Variants in CR1 observed in about 807,000 individuals in gnomAD.
CR1 encodes the protein complement C3b/C4b receptor 1 (Knops blood group), also known as complement receptor type 1.
In CR1, 116 loss-of-function variants were observed where a neutral mutation model predicts 187.3. The ratio of observed to expected loss-of-function variants is 0.62; its 90% CI spans 0.53 to 0.72. The LOEUF is 0.72. Among genes scored for constraint, CR1 ranks in the 30% least tolerant of loss-of-function variants. The probability of loss-of-function intolerance (pLI) is 0.00; values close to 1 mark genes in which losing one functional copy is unlikely to be tolerated. For synonymous variants in CR1, 576 were observed against 747.1 expected, an observed-to-expected ratio of 0.77 and a Z score of 3.73; for missense variants, 1,731 against 2,110.7, an observed-to-expected ratio of 0.82 and a Z score of 3.52.
At chr1:207,511,444 A>T in intron 3 of CR1, 125 bp from the exon 4 acceptor site, 1 of 789,914 alleles carries the variant, frequency 1.3e-6, no homozygotes, top group Non-Finnish European at 1.9e-6. Context: ...AGTGATAGAT[A>T]GTCCTTTGAT....
intron 35 of CR1, among the ~76,000 whole-genome samples, chr1:207,596,453 A>G (rs1357306455): frequency 1.3e-5 from 2 of 151,936 alleles, no homozygotes; most frequent in African/African-American, 4.8e-5. Context: ...GTCTCTACTA[A>G]AAAATACAAA....
Position 207,638,932 on chromosome 1 carries a change from C to T in CR1, c.7458-465C>T, listed in dbSNP as rs189986327. On this transcript the variant is annotated intron_variant, in intron 46 of 46. Coordinates refer to ENST00000367049, the MANE Select transcript of CR1 (RefSeq NM_000651.6). ...TCCACAGCTGCACTGCCGCTTGTGGCGGGGGACAATTGTTGTACTGTGGTA... is the reference window on the plus strand; with the variant it reads ...TCCACAGCTGCACTGCCGCTTGTGGTGGGGGACAATTGTTGTACTGTGGTA... 8.2e-4 allele frequency among the ~76,000 whole-genome samples: 125 copies of T among 152,326 alleles called. 1 individual carries two copies. The East Asian group carries it at 0.018, about 22-fold the overall frequency.
intron 1 of CR1, among the ~76,000 whole-genome samples, chr1:207,501,765 C>T (rs1174264434): frequency 6.6e-6 from 1 of 152,226 alleles, no homozygotes; most frequent in African/African-American, 2.4e-5. Context: ...TCTCTCAATA[C>T]AGCTTTTGGC....
At position 207,574,274 on chromosome 1, in the gene CR1, C is replaced by G. The variant is rs1293123296; in HGVS notation, c.4452-1321C>G. ...TGTGTTTCAGGGATAGAGAAAAAAA[C>G]TCTGATTCCAGAAATAAAATGTGAA... On this transcript the variant is annotated intron_variant, in intron 27 of 46. Transcript: ENST00000367049. Among the ~76,000 whole-genome samples the G allele has an allele frequency of 5.9e-5, 9 of 152,154 alleles. No individual in the cohort carries two copies. In the South Asian group the frequency reaches 1.7e-3, roughly 28 times the overall value.
At chr1:207,514,990 T>TACACACACAC (rs1291025866) in intron 4 of CR1, among the ~76,000 whole-genome samples, 1 of 127,590 alleles carries the variant, frequency 7.8e-6, no homozygotes, top group African/African-American at 3.2e-5. Flanking sequence ...CATATATATA[T>TACACACACAC]ATATACACAC....
chr1:207,567,728 C>T lies in CR1; in HGVS notation c.3953-96C>T, dbSNP rs1660548021. 7.5e-6 allele frequency: 11 copies of T among 1,468,204 alleles called. No homozygotes were observed. In the South Asian group the frequency reaches 1.2e-4, roughly 16 times the overall value. 90.9% of individuals were successfully genotyped at this position (1,468,204 alleles called of 1,614,324 possible). A position where few individuals can be genotyped will look rare whatever the true frequency, so the allele number is the denominator to read the frequency against. On this transcript the variant is annotated intron_variant, in intron 24 of 46. Transcript: ENST00000367049. Reference sequence around the variant, plus strand: ...CTAATGTCTACTGTCATCTCCTTAGCATATTTTCAGCAACACCAATCATAG... The same window carrying T: ...CTAATGTCTACTGTCATCTCCTTAGTATATTTTCAGCAACACCAATCATAG...
chr1:207,601,453 G>A (rs1388211756), intron 35 of CR1, among the ~76,000 whole-genome samples: 1 of 151,988 alleles, frequency 6.6e-6, no homozygotes, highest in Non-Finnish European at 1.5e-5. Context: ...AATTCCTGGG[G>A]GATATGGTAA....
chr1:207,611,222 C>T (rs2102386265), intron 37 of CR1, among the ~76,000 whole-genome samples: 1 of 152,244 alleles, frequency 6.6e-6, no homozygotes, highest in East Asian at 1.9e-4. Flanking sequence ...CCTGTGCTGA[C>T]TGAAAGAGGG....
At chr1:207,626,211 GT>G (rs1662473908) in intron 45 of CR1, among the ~76,000 whole-genome samples, 1 of 152,218 alleles carries the variant, frequency 6.6e-6, no homozygotes, top group Admixed American at 6.5e-5. Context: ...TGCAAAGGTG[GT>G]TTCAGCATAG....
At chr1:207,580,105 T>A in intron 29 of CR1, 135 bp from the exon 30 acceptor site, 5 of 1,274,754 alleles carry the variant, frequency 3.9e-6, no homozygotes, top group Non-Finnish European at 5.4e-6. Flanking sequence ...CCTGTAGATT[T>A]ACAAGTGAAT....
intron 4 of CR1, among the ~76,000 whole-genome samples, chr1:207,513,867 G>A (rs1462736096): frequency 1.3e-5 from 2 of 150,752 alleles, no homozygotes; most frequent in African/African-American, 2.4e-5. Context: ...GTATAACATT[G>A]AACATTGGTA....
chr1:207,500,917 T>C (rs1659246159), intron 1 of CR1, among the ~76,000 whole-genome samples: 1 of 152,172 alleles, frequency 6.6e-6, no homozygotes, highest in African/African-American at 2.4e-5. Flanking sequence ...ATTTATGCAA[T>C]TGAATATTAC....
At chr1:207,608,132 G>A (rs1661805666) in intron 36 of CR1, among the ~76,000 whole-genome samples, 1 of 152,184 alleles carries the variant, frequency 6.6e-6, no homozygotes, top group South Asian at 2.1e-4. Context: ...TAATATTTGT[G>A]ATAGTGGAAA....
intron 35 of CR1, among the ~76,000 whole-genome samples, chr1:207,602,704 G>T (rs1029523210): frequency 6.6e-6 from 1 of 152,066 alleles, no homozygotes. Flanking sequence ...TATAGATATA[G>T]ATAGAGAGAG....
At chr1:207,600,033 A>G (rs1053037821) in intron 35 of CR1, among the ~76,000 whole-genome samples, 1 of 152,174 alleles carries the variant, frequency 6.6e-6, no homozygotes, top group African/African-American at 2.4e-5. Flanking sequence ...CAAAATTTTC[A>G]ATTTTGCAGA....
chr1:207,516,892 CA>C (rs1167229170), intron 4 of CR1, among the ~76,000 whole-genome samples: 1 of 152,074 alleles, frequency 6.6e-6, no homozygotes, highest in African/African-American at 2.4e-5. Context: ...ATGAATCTGA[CA>C]AAGTTTTTAC....
intron 40 of CR1, among the ~76,000 whole-genome samples, chr1:207,615,680 G>A (rs1662071042): frequency 6.6e-6 from 1 of 152,070 alleles, no homozygotes; most frequent in Admixed American, 6.5e-5. Flanking sequence ...ATAACTTATA[G>A]AAATCAATTT....
At position 207,604,996 on chromosome 1, in the gene CR1, G is replaced by A. The variant is rs112575753; in HGVS notation, c.5811-2255G>A. Reference sequence around the variant, plus strand: ...TTCCAAATTGCTGGCCGGGCACAGTGTCTCATGCCTATAGCTCTTTGGGAG... The same window carrying A: ...TTCCAAATTGCTGGCCGGGCACAGTATCTCATGCCTATAGCTCTTTGGGAG... On this transcript the variant is annotated intron_variant, in intron 35 of 46. Transcript: ENST00000367049. 8.9e-3 allele frequency among the ~76,000 whole-genome samples: 1,358 copies of A among 152,198 alleles called. 12 individuals carry two copies. The highest frequency in any genetic ancestry group is 0.031 in the African/African-American group (1,301 of 41,516).
intron 45 of CR1, among the ~76,000 whole-genome samples, chr1:207,624,800 C>T (rs1662430333): frequency 6.6e-6 from 1 of 152,030 alleles, no homozygotes; most frequent in Non-Finnish European, 1.5e-5. Flanking sequence ...TCATTAAGTA[C>T]CATATAATTA....
Sources: allele counts gnomAD v4.1 joint callset (sites outside exome capture counted in the v4.1 genomes callset), GRCh38; gene constraint gnomAD v4.1.1; transcripts MANE v1.5; gene names NCBI Gene and HGNC (gene_info 2026-07-23, HGNC 2026-07-21).